Variants in CPPED1 observed in about 807,000 individuals in gnomAD.
CPPED1 encodes calcineurin like phosphoesterase domain containing 1, also known as serine/threonine-protein phosphatase CPPED1.
A neutral mutation model predicts 28.0 loss-of-function variants in CPPED1; 28 were observed. The observed-to-expected ratio is 1.00, with a 90% confidence interval of 0.74 to 1.37. The LOEUF is 1.37. CPPED1 is among the 40% of genes most tolerant of loss of function. The pLI, the probability that CPPED1 is intolerant of heterozygous loss-of-function variation, is 0.00. For missense variants in CPPED1, 504 were observed against 416.5 expected, an observed-to-expected ratio of 1.21 and a Z score of -1.83; for synonymous variants, 198 against 180.2, an observed-to-expected ratio of 1.10 and a Z score of -0.79.
Position 12,664,415 on chromosome 16 carries a change from G to C in CPPED1, c.*471C>G, listed in dbSNP as rs1190340531. On this transcript the variant is annotated 3_prime_UTR_variant, in exon 4 of 4. Coordinates refer to ENST00000381774, the MANE Select transcript of CPPED1 (RefSeq NM_018340.3). This position sits in a 1 kb window ranked among gnomAD's most constrained non-coding sequence, Gnocchi z 4.2. ...AGACAGCTGTTCGTTCCGCTGGAAA[G>C]GAAAGGAGATGAACTTTGTTTTGCC... 2.0e-6 allele frequency: 2 copies of C among 1,010,574 alleles called. No homozygotes were observed. Among genetic ancestry groups the C allele is most frequent in the Non-Finnish European group, 2.4e-6 (2 of 847,168 alleles). The allele number at this position is 1,010,574 out of a possible 1,614,324, so 62.6% of individuals were successfully genotyped here. A position where few individuals can be genotyped will look rare whatever the true frequency, so the allele number is the denominator to read the frequency against.
intron 3 of CPPED1, among the ~76,000 whole-genome samples, chr16:12,700,460 G>A (rs1006124022): frequency 6.6e-6 from 1 of 152,160 alleles, no homozygotes; most frequent in Non-Finnish European, 1.5e-5. Context: ...GCATGATCTC[G>A]GCTCATTGCA....
At chr16:12,769,793 T>C (rs979760693) in intron 2 of CPPED1, among the ~76,000 whole-genome samples, 6 of 152,122 alleles carry the variant, frequency 3.9e-5, no homozygotes, top group Admixed American at 3.3e-4. Flanking sequence ...CAGAGGCTGG[T>C]GATATTTCAA....
chr16:12,688,578 T>C (rs1189658204), intron 3 of CPPED1, among the ~76,000 whole-genome samples: 2 of 152,150 alleles, frequency 1.3e-5, no homozygotes, highest in Non-Finnish European at 2.9e-5. Context: ...CCTCAGGTGA[T>C]CTGCTGCCTC....
At chr16:12,755,969 AAAACACAAAAAATT>A in intron 2 of CPPED1, among the ~76,000 whole-genome samples, 1 of 152,206 alleles carries the variant, frequency 6.6e-6, no homozygotes, top group East Asian at 1.9e-4. Flanking sequence ...GTCTCCAATA[AAAACACAAAAAATT>A]AGCCGGGCGT....
intron 3 of CPPED1, among the ~76,000 whole-genome samples, chr16:12,676,496 G>A (rs1270288174): frequency 1.3e-5 from 2 of 152,186 alleles, no homozygotes; most frequent in African/African-American, 4.8e-5. Context: ...CCCTTTTGCA[G>A]ATGAGGGAAT....
At chr16:12,777,869 TAA>T (rs5815718) in intron 2 of CPPED1, among the ~76,000 whole-genome samples, 24 of 147,096 alleles carry the variant, frequency 1.6e-4, no homozygotes, top group South Asian at 8.5e-4. Flanking sequence ...TTACTTTCAT[TAA>T]AAAAAAAATG....
chr16:12,693,841 C>A (rs2079976035), intron 3 of CPPED1, among the ~76,000 whole-genome samples: 1 of 152,202 alleles, frequency 6.6e-6, no homozygotes, highest in African/African-American at 2.4e-5. Flanking sequence ...TAAACTTCAA[C>A]AGACACTGCT....
intron 3 of CPPED1, among the ~76,000 whole-genome samples, chr16:12,703,266 G>A (rs539520273): frequency 7.9e-5 from 12 of 152,266 alleles, no homozygotes; most frequent in South Asian, 4.1e-4. Context: ...CCAATTATGT[G>A]AGCTTATTGC....
chr16:12,785,650 G>C (rs1312124728), intron 1 of CPPED1, among the ~76,000 whole-genome samples: 1 of 151,476 alleles, frequency 6.6e-6, no homozygotes, highest in Non-Finnish European at 1.5e-5. Flanking sequence ...CTGGTCTCAA[G>C]CTCCTGGCCT....
chr16:12,660,956 T>C lies in CPPED1; in HGVS notation c.*3930A>G, dbSNP rs2079790873. On this transcript the variant is annotated 3_prime_UTR_variant, in exon 4 of 4. Transcript: ENST00000381774. ...AGCAAGACCTTCAACTCCACAAATA[T>C]AAAAATAAAAAATTAGATGTGGTGA... 1 of 151,880 alleles carries C rather than the reference T, an allele frequency of 6.6e-6. No homozygotes were observed. Among genetic ancestry groups the C allele is most frequent in the Admixed American group, 6.6e-5 (1 of 15,218 alleles). 9.4% of individuals were successfully genotyped at this position (151,880 alleles called of 1,614,324 possible).
rs912159695 is a variant in CPPED1 at position 12,709,307 on chromosome 16, A to G, written c.290-4258T>C. On this transcript the variant is annotated intron_variant, in intron 2 of 3. Transcript: ENST00000381774. The surrounding 1 kb of genome is among the most constrained non-coding windows in gnomAD (Gnocchi z 4.4). ...GCAAGACATGACTCAGAAGAGGGGC[A>G]GAGAAGGATTGTTCTGGGGTCTCCA... is the stretch of plus-strand genomic sequence containing the variant. 2.6e-5 allele frequency among the ~76,000 whole-genome samples: 4 copies of G among 152,192 alleles called. No homozygotes were observed. Among genetic ancestry groups the G allele is most frequent in the Non-Finnish European group, 4.4e-5 (3 of 68,040 alleles).
At chr16:12,764,979 G>T (rs2080430896) in intron 2 of CPPED1, among the ~76,000 whole-genome samples, 2 of 152,220 alleles carry the variant, frequency 1.3e-5, no homozygotes, top group Non-Finnish European at 2.9e-5. Flanking sequence ...GTGACTGGTG[G>T]AACAGAAGAG....
chr16:12,761,634 G>A (rs941075031), intron 2 of CPPED1, among the ~76,000 whole-genome samples: 4 of 152,058 alleles, frequency 2.6e-5, no homozygotes, highest in African/African-American at 9.7e-5. Flanking sequence ...TAAAAGCTAT[G>A]GATACCAGCA....
At chr16:12,793,587 G>A (rs140539936) in intron 1 of CPPED1, among the ~76,000 whole-genome samples, 6 of 152,308 alleles carry the variant, frequency 3.9e-5, no homozygotes, top group South Asian at 2.1e-4. Flanking sequence ...CCTCAAAAGG[G>A]TTGTTGAGAA....
At chr16:12,707,367 G>C (rs147458797) in intron 2 of CPPED1, among the ~76,000 whole-genome samples, 1 of 152,262 alleles carries the variant, frequency 6.6e-6, no homozygotes, top group Admixed American at 6.5e-5. Flanking sequence ...GCACCGACTT[G>C]CTTCCTCTGG....
intron 3 of CPPED1, among the ~76,000 whole-genome samples, chr16:12,694,607 A>G (rs1183290342): frequency 6.6e-6 from 1 of 151,964 alleles, no homozygotes; most frequent in Non-Finnish European, 1.5e-5. Context: ...GGAACCTAAA[A>G]AATAGGCCAA....
intron 3 of CPPED1, among the ~76,000 whole-genome samples, chr16:12,692,129 C>T (rs1318216458): frequency 6.6e-6 from 1 of 152,166 alleles, no homozygotes; most frequent in East Asian, 1.9e-4. Flanking sequence ...GCTAGGATTA[C>T]AGGCATGAGC....
Position 12,709,976 on chromosome 16 carries a change from G to A in CPPED1, c.290-4927C>T. ...GAAAGAAGGGAAGGAAGGCAAGGAA[G>A]GAAGGAAGGGAAGAGAAGAGAAGGA... On this transcript the variant is annotated intron_variant, in intron 2 of 3. Coordinates refer to ENST00000381774, the MANE Select transcript of CPPED1 (RefSeq NM_018340.3). The surrounding 1 kb of genome is among the most constrained non-coding windows in gnomAD (Gnocchi z 4.4). Among the ~76,000 whole-genome samples the A allele has an allele frequency of 6.8e-6, 1 of 147,926 alleles. No homozygotes were observed. The highest frequency in any genetic ancestry group is 1.5e-5 in the Non-Finnish European group (1 of 67,060).
intron 2 of CPPED1, among the ~76,000 whole-genome samples, chr16:12,772,813 T>C (rs774633512): frequency 3.1e-4 from 47 of 152,196 alleles, no homozygotes; most frequent in Non-Finnish European, 3.2e-4. Flanking sequence ...CTAGGCCAGA[T>C]CTCATTTGAA....
Sources: gnomAD v4.1 joint callset for allele counts (sites outside exome capture counted in the v4.1 genomes callset) on GRCh38, gnomAD v4.1.1 for gene constraint, Gnocchi (gnomAD v3.1) non-coding constraint, MANE v1.5 for transcripts, NCBI Gene and HGNC (gene_info 2026-07-23, HGNC 2026-07-21) for gene names.